DPYSL5: variants seen among roughly 807,000 people sequenced by gnomAD.
DPYSL5 encodes dihydropyrimidinase like 5.
In DPYSL5, 9 loss-of-function variants were observed where a neutral mutation model predicts 58.4. That is an observed-to-expected ratio of 0.15 (90% CI 0.09 to 0.27). The LOEUF is 0.27. Among genes scored for constraint, DPYSL5 ranks in the 10% least tolerant of loss-of-function variants. The pLI, the probability that DPYSL5 is intolerant of heterozygous loss-of-function variation, is 1.00. For synonymous variants in DPYSL5, 293 were observed against 301.9 expected (o/e 0.97, Z 0.31); for missense variants, 499 against 770.6 (o/e 0.65, Z 4.17).
intron 8 of DPYSL5, among the ~76,000 whole-genome samples, chr2:26,936,135 C>T (rs191328334): frequency 2.6e-4 from 39 of 152,272 alleles, no homozygotes; most frequent in Non-Finnish European, 5.0e-4. Context: ...ATGGAAGCCC[C>T]ACTCAACTCA....
At chr2:26,930,755 A>G (rs1664949045) in intron 5 of DPYSL5, among the ~76,000 whole-genome samples, 1 of 152,142 alleles carries the variant, frequency 6.6e-6, no homozygotes, top group African/African-American at 2.4e-5. Flanking sequence ...CAGGCAGATC[A>G]CGAGGTCAGG....
chr2:26,885,067 C>A (rs1226039269), intron 1 of DPYSL5, among the ~76,000 whole-genome samples: 1 of 152,080 alleles, frequency 6.6e-6, no homozygotes, highest in Non-Finnish European at 1.5e-5. Flanking sequence ...GGCGTGGTGG[C>A]AGGTACCTGT....
At position 26,933,442 on chromosome 2, in the gene DPYSL5, T is replaced by TG. The variant is rs1254592265; in HGVS notation, c.790+110dup. 2.0e-6 allele frequency: 2 copies of TG among 993,846 alleles called. No individual in the cohort carries two copies. Among genetic ancestry groups the TG allele is most frequent in the African/African-American group, 1.6e-5 (1 of 63,218 alleles). The allele number at this position is 993,846 out of a possible 1,614,324, so 61.6% of individuals were successfully genotyped here. A position where few individuals can be genotyped will look rare whatever the true frequency, so the allele number is the denominator to read the frequency against. Reference sequence around the variant, plus strand: ...GGCCCCGGCTCCTGAAACCAGGACCTGAGCCAGCCCTTCCCTTTCATCTGC... The same window carrying TG: ...GGCCCCGGCTCCTGAAACCAGGACCTGGAGCCAGCCCTTCCCTTTCATCTGC... On this transcript the variant is annotated intron_variant, in intron 7 of 12. Transcript: ENST00000288699. This position sits in a 1 kb window ranked among gnomAD's most constrained non-coding sequence, Gnocchi z 4.2.
In DPYSL5 at chr2:26,948,077, A is replaced by G; in HGVS notation, c.*1082A>G. The G allele has an allele frequency of 8.8e-6, 1 of 113,106 alleles. No homozygotes were observed. Among genetic ancestry groups the G allele is most frequent in the Non-Finnish European group, 1.9e-5 (1 of 51,282 alleles). 7.0% of individuals were successfully genotyped at this position (113,106 alleles called of 1,614,324 possible). On this transcript the variant is annotated 3_prime_UTR_variant, in exon 13 of 13. Coordinates refer to ENST00000288699, the MANE Select transcript of DPYSL5 (RefSeq NM_020134.4). The stretch of plus-strand genomic sequence containing the variant: ...TTCCCCTGTCTTCACCTGCCACCAC[A>G]CACACACACACACACACACACACAC...
chr2:26,936,573 C>A (rs1431627698), intron 8 of DPYSL5, among the ~76,000 whole-genome samples: 3 of 152,120 alleles, frequency 2.0e-5, no homozygotes, highest in Non-Finnish European at 4.4e-5. Flanking sequence ...GCAGCTCTTA[C>A]AATATTTACA....
intron 2 of DPYSL5, among the ~76,000 whole-genome samples, chr2:26,922,899 G>C (rs955087168): frequency 1.3e-5 from 2 of 152,200 alleles, no homozygotes; most frequent in Non-Finnish European, 2.9e-5. Context: ...ACCACCCTCT[G>C]TTGGTTGCTT....
chr2:26,879,323 A>G (rs905544149), intron 1 of DPYSL5, among the ~76,000 whole-genome samples: 2 of 152,110 alleles, frequency 1.3e-5, no homozygotes, highest in Non-Finnish European at 2.9e-5. Context: ...AATACATGAG[A>G]AAATAAAAAC....
At position 26,946,920 on chromosome 2, in the gene DPYSL5, C is replaced by T. The variant is rs748532492; in HGVS notation, c.1620C>T (p.Ile540=). 24 of 1,614,054 alleles carry T rather than the reference C, an allele frequency of 1.5e-5. 1 individual carries two copies. Among genetic ancestry groups the T allele is most frequent in the South Asian group, 1.2e-4 (11 of 91,072 alleles). ...ESSFSLSGSQ[I]DDHVPKRASA... ...CTTCCTTCCCTGCAGGCTCTCAGATCGATGACCATGTTCCAAAGCGAGCTT... is the reference window on the plus strand; with the variant it reads ...CTTCCTTCCCTGCAGGCTCTCAGATTGATGACCATGTTCCAAAGCGAGCTT... Residue 540 remains isoleucine, a synonymous_variant, in exon 13 of 13, where the codon ATC becomes ATT. Coordinates refer to ENST00000288699, the MANE Select transcript of DPYSL5 (RefSeq NM_020134.4).
At chr2:26,876,961 CTTTTTTTT>C (rs10707678) in intron 1 of DPYSL5, among the ~76,000 whole-genome samples, 1 of 112,268 alleles carries the variant, frequency 8.9e-6, no homozygotes. Flanking sequence ...TCCACAGCCA[CTTTTTTTT>C]TTTTTTTTTT....
In DPYSL5 at chr2:26,934,077, A is replaced by G. The variant is rs1342539329; in HGVS notation, c.791-501A>G. 6.6e-6 allele frequency among the ~76,000 whole-genome samples: 1 copy of G among 152,048 alleles called. No individual in the cohort carries two copies. The highest frequency in any genetic ancestry group is 1.5e-5 in the Non-Finnish European group (1 of 68,000). On this transcript the variant is annotated intron_variant, in intron 7 of 12. Transcript: ENST00000288699. This position sits in a 1 kb window ranked among gnomAD's most constrained non-coding sequence, Gnocchi z 4.3. ...TGAAGCCCCTTGGAGGGTCTCGCCT[A>G]GACTGTCGTCCCAGCCTGGTGACTG...
At chr2:26,945,510 G>A (rs1273461906) in intron 12 of DPYSL5, among the ~76,000 whole-genome samples, 5 of 42,852 alleles carry the variant, frequency 1.2e-4, no homozygotes, top group South Asian at 9.1e-4. Context: ...CCGCCCCCCC[G>A]TCCCCCCCCG....
At chr2:26,914,195 T>C (rs967790734) in intron 2 of DPYSL5, among the ~76,000 whole-genome samples, 1 of 152,226 alleles carries the variant, frequency 6.6e-6, no homozygotes, top group Non-Finnish European at 1.5e-5. Context: ...ACTGAGAAGA[T>C]GACCATGTCT....
At chr2:26,861,716 G>T (rs533898210) in intron 1 of DPYSL5, among the ~76,000 whole-genome samples, 10 of 152,066 alleles carry the variant, frequency 6.6e-5, no homozygotes, top group Admixed American at 3.3e-4. Context: ...TCTCTCTAAG[G>T]ACGTGAAGAC....
At chr2:26,884,726 C>T (rs981882515) in intron 1 of DPYSL5, among the ~76,000 whole-genome samples, 5 of 152,180 alleles carry the variant, frequency 3.3e-5, no homozygotes, top group Non-Finnish European at 7.3e-5. Context: ...AGTCCAGCCA[C>T]GTGGGGCCGG....
In DPYSL5 at chr2:26,942,736, G is replaced by C; in HGVS notation, c.1426G>C (p.Val476Leu). 6.2e-7 allele frequency: 1 copy of C among 1,613,910 alleles called. No homozygotes were observed. The highest frequency in any genetic ancestry group is 1.1e-5 in the South Asian group (1 of 91,080). ...SFPDTVYKKL[V>L]QREKTLKVRG... ...CCCAGACACTGTCTACAAGAAGCTGGTCCAGAGAGAGAAGGTGAGGTGGGA... is the reference window on the plus strand; with the variant it reads ...CCCAGACACTGTCTACAAGAAGCTGCTCCAGAGAGAGAAGGTGAGGTGGGA... The change falls in exon 11 of 13, where the codon GTC becomes CTC. Residue 476 changes from valine (V) to leucine (L), a missense_variant. By Grantham distance (32) the Val-to-Leu change is conservative. This residue lies in a region of DPYSL5 where 62 missense variants were observed against 59.2 expected (regional missense o/e 1.05). Transcript: ENST00000288699. The surrounding 1 kb of genome is among the most constrained non-coding windows in gnomAD (Gnocchi z 5.9).
chr2:26,891,166 G>A (rs1011976779), intron 1 of DPYSL5, among the ~76,000 whole-genome samples: 3 of 152,144 alleles, frequency 2.0e-5, no homozygotes, highest in Non-Finnish European at 2.9e-5. Context: ...GGTAAAAATG[G>A]GGGCAATGAT....
chr2:26,862,348 T>C (rs1666037132), intron 1 of DPYSL5, among the ~76,000 whole-genome samples: 1 of 152,260 alleles, frequency 6.6e-6, no homozygotes, highest in African/African-American at 2.4e-5. Context: ...TTCGTGAATG[T>C]ATCTCACAAT....
intron 1 of DPYSL5, among the ~76,000 whole-genome samples, chr2:26,873,945 C>T (rs901579648): frequency 6.6e-6 from 1 of 152,202 alleles, no homozygotes; most frequent in African/African-American, 2.4e-5. Flanking sequence ...AACCATTATA[C>T]ACCATTCTAC....
At chr2:26,913,516 A>G (rs1321333635) in intron 2 of DPYSL5, among the ~76,000 whole-genome samples, 5 of 152,210 alleles carry the variant, frequency 3.3e-5, no homozygotes, top group Non-Finnish European at 5.9e-5. Context: ...TCATCTGTCT[A>G]TGGATACCTA....
Sources: gnomAD v4.1 joint callset for allele counts (sites outside exome capture counted in the v4.1 genomes callset) on GRCh38, gnomAD v4.1.1 for gene constraint, gnomAD v4.1.1 regional missense constraint, Gnocchi (gnomAD v3.1) non-coding constraint, MANE v1.5 for transcripts, NCBI Gene and HGNC (gene_info 2026-07-23, HGNC 2026-07-21) for gene names.